Variants in PARD3 observed in about 807,000 individuals in gnomAD.
The protein encoded by PARD3 is par-3 family cell polarity regulator.
A neutral mutation model predicts 155.4 loss-of-function variants in PARD3; 75 were observed. The ratio of observed to expected loss-of-function variants is 0.48; its 90% CI spans 0.40 to 0.58. The LOEUF (loss-of-function observed/expected upper bound fraction) is 0.58, where lower values mean the gene tolerates loss of function less well. Ranked by LOEUF, PARD3 falls within the 20% of genes least tolerant of loss-of-function variation. The pLI is 0.00. For missense variants in PARD3, 1,642 were observed against 1,721.7 expected (o/e 0.95, Z 0.82); for synonymous variants, 576 against 610.5 (o/e 0.94, Z 0.83).
intron 22 of PARD3, among the ~76,000 whole-genome samples, chr10:34,183,049 A>G (rs1950335155): frequency 6.6e-6 from 1 of 152,230 alleles, no homozygotes; most frequent in Non-Finnish European, 1.5e-5. Flanking sequence ...AGAGCAGGGA[A>G]TTGCTTTTCT....
intron 3 of PARD3, among the ~76,000 whole-genome samples, chr10:34,471,639 C>A (rs898955007): frequency 1.3e-5 from 2 of 152,194 alleles, no homozygotes; most frequent in Non-Finnish European, 2.9e-5. Flanking sequence ...ACAGCAAACT[C>A]CGCCTCCTGG....
chr10:34,734,990 A>G (rs1447843482), intron 1 of PARD3, among the ~76,000 whole-genome samples: 3 of 142,460 alleles, frequency 2.1e-5, no homozygotes, highest in African/African-American at 8.9e-5. Context: ...CTTATGGGAA[A>G]AAAAAAAAAA....
At chr10:34,537,317 TTC>T (rs2083294083) in intron 2 of PARD3, among the ~76,000 whole-genome samples, 1 of 152,274 alleles carries the variant, frequency 6.6e-6, no homozygotes, top group South Asian at 2.1e-4. Context: ...TTTTGATTCC[TTC>T]TCTTGAAGAC....
At chr10:34,520,375 A>G (rs2082071235) in intron 2 of PARD3, among the ~76,000 whole-genome samples, 1 of 152,198 alleles carries the variant, frequency 6.6e-6, no homozygotes, top group Admixed American at 6.5e-5. Flanking sequence ...AGGATGAATA[A>G]TTGGGCCACT....
At chr10:34,716,519 G>A (rs2094521802) in intron 1 of PARD3, among the ~76,000 whole-genome samples, 1 of 151,060 alleles carries the variant, frequency 6.6e-6, no homozygotes, top group Non-Finnish European at 1.5e-5. Context: ...AGTAGGTTGT[G>A]AAGCTTGAAA....
At chr10:34,653,070 G>A (rs1367103685) in intron 2 of PARD3, among the ~76,000 whole-genome samples, 1 of 152,150 alleles carries the variant, frequency 6.6e-6, no homozygotes, top group Non-Finnish European at 1.5e-5. Context: ...AGAACAAAGT[G>A]TGTTATGTGT....
chr10:34,453,262 A>T (rs945065191), intron 4 of PARD3, among the ~76,000 whole-genome samples: 1 of 152,140 alleles, frequency 6.6e-6, no homozygotes, highest in South Asian at 2.1e-4. Flanking sequence ...TTCAAACGCT[A>T]TTTTCTAAGA....
At chr10:34,457,120 G>C (rs889682158) in intron 4 of PARD3, among the ~76,000 whole-genome samples, 1 of 152,120 alleles carries the variant, frequency 6.6e-6, no homozygotes. Flanking sequence ...TCTTGTTAAC[G>C]GTCTTATCAA....
chr10:34,287,643 T>C (rs1426511199), intron 20 of PARD3, among the ~76,000 whole-genome samples: 2 of 152,164 alleles, frequency 1.3e-5, no homozygotes, highest in African/African-American at 2.4e-5. Flanking sequence ...TTGTAGAAAA[T>C]GGTATTGGTC....
chr10:34,556,235 C>T (rs748437954), intron 2 of PARD3, among the ~76,000 whole-genome samples: 3 of 152,136 alleles, frequency 2.0e-5, no homozygotes, highest in Non-Finnish European at 4.4e-5. Context: ...GTTACAACAA[C>T]GTTTTTCTTT....
chr10:34,158,817 T>G (rs1442522628), intron 22 of PARD3, among the ~76,000 whole-genome samples: 1 of 152,206 alleles, frequency 6.6e-6, no homozygotes, highest in Non-Finnish European at 1.5e-5. Context: ...TTTAATTAAT[T>G]GAAAGCTAAA....
intron 12 of PARD3, among the ~76,000 whole-genome samples, chr10:34,363,327 T>TC (rs11412974): frequency 0.59 from 90,377 of 152,004 alleles, 28,890 homozygotes; most frequent in African/African-American, 0.85. Context: ...GGGGATAGTT[T>TC]ATTTATTATA....
intron 22 of PARD3, among the ~76,000 whole-genome samples, chr10:34,226,239 G>A (rs1476162677): frequency 3.9e-5 from 6 of 152,140 alleles, no homozygotes; most frequent in African/African-American, 7.2e-5. Context: ...CACTCACTAG[G>A]ATGGCTATAA....
rs575233562 is a variant in PARD3, at chr10:34,620,708, T to C, written c.222+75610A>G. Among the ~76,000 whole-genome samples the C allele has an allele frequency of 1.2e-4, 18 of 152,344 alleles. No individual in the cohort carries two copies. The South Asian group carries it at 3.7e-3, about 32-fold the overall frequency. ...CACCTTGCAATTTCAGGATGCTCTT[T>C]AATTAAACGGATTCAAAAGCTTGAA... On this transcript the variant is annotated intron_variant, in intron 2 of 24. Transcript: ENST00000374788.
chr10:34,350,316 C>A (rs1837912710), intron 14 of PARD3, among the ~76,000 whole-genome samples: 2 of 152,134 alleles, frequency 1.3e-5, no homozygotes, highest in African/African-American at 2.4e-5. Context: ...CCTGCTATCA[C>A]CCCCTTGCAG....
chr10:34,182,803 T>C (rs991569456), intron 22 of PARD3, among the ~76,000 whole-genome samples: 7 of 152,136 alleles, frequency 4.6e-5, no homozygotes, highest in African/African-American at 4.8e-5. Context: ...AGGCCCGATT[T>C]AGTGAGACGT....
chr10:34,398,080 T>C (rs1408970892), intron 7 of PARD3, among the ~76,000 whole-genome samples: 3 of 152,180 alleles, frequency 2.0e-5, no homozygotes, highest in Non-Finnish European at 4.4e-5. Context: ...CACAACTCTA[T>C]GAATATAACA....
At chr10:34,406,086 A>C (rs1468672857) in intron 5 of PARD3, among the ~76,000 whole-genome samples, 2 of 152,212 alleles carry the variant, frequency 1.3e-5, no homozygotes, top group African/African-American at 2.4e-5. Flanking sequence ...GAGTTTAATC[A>C]AAGGATTGAC....
chr10:34,734,795 A>G (rs2094883189), intron 1 of PARD3, among the ~76,000 whole-genome samples: 1 of 152,172 alleles, frequency 6.6e-6, no homozygotes, highest in African/African-American at 2.4e-5. Context: ...TAAAAAGAGA[A>G]TATGTTTGCA....
Sources: gnomAD v4.1 joint callset for allele counts (sites outside exome capture counted in the v4.1 genomes callset) on GRCh38, gnomAD v4.1.1 for gene constraint, MANE v1.5 for transcripts, NCBI Gene and HGNC (gene_info 2026-07-23, HGNC 2026-07-21) for gene names.